The following ZFYVE9 variants were observed in gnomAD, a reference collection of about 807,000 sequenced individuals.
ZFYVE9 encodes the protein zinc finger FYVE-type containing 9.
ZFYVE9 carries 43 observed loss-of-function variants against 126.7 expected under a neutral mutation model. The ratio of observed to expected loss-of-function variants is 0.34; its 90% CI spans 0.27 to 0.44. The LOEUF (loss-of-function observed/expected upper bound fraction) is 0.44. Among genes scored for constraint, ZFYVE9 ranks in the 20% least tolerant of loss-of-function variants. The probability of loss-of-function intolerance (pLI) is 1.00; values close to 1 mark genes in which losing one functional copy is unlikely to be tolerated. For missense variants in ZFYVE9, 1,476 were observed against 1,697.0 expected (o/e 0.87, Z 2.29); for synonymous variants, 521 against 597.4 (o/e 0.87, Z 1.87).
chr1:52,330,633 A>G (rs929393109), intron 13 of ZFYVE9, among the ~76,000 whole-genome samples: 1 of 152,158 alleles, frequency 6.6e-6, no homozygotes, highest in African/African-American at 2.4e-5. Flanking sequence ...GATAATGAGC[A>G]GTGAGGACCT....
chr1:52,176,889 G>A (rs1313768978), intron 1 of ZFYVE9, among the ~76,000 whole-genome samples: 7 of 152,060 alleles, frequency 4.6e-5, no homozygotes, highest in Admixed American at 6.6e-5. Context: ...TCCAGGTGCC[G>A]TCTGTCACCC....
chr1:52,251,152 A>T lies in ZFYVE9; in HGVS notation c.2178+11557A>T, dbSNP rs148368176. ...AGTGGCGCGATCTTGGCTCACTGCA[A>T]CCTCTGCCTCTCGGGTTCAAGCAAT... On this transcript the variant is annotated intron_variant, in intron 4 of 18. Transcript: ENST00000287727. Among the ~76,000 whole-genome samples the T allele has an allele frequency of 5.3e-5, 8 of 151,468 alleles. No homozygotes were observed. In the East Asian group the frequency reaches 1.5e-3, roughly 29 times the overall value.
intron 1 of ZFYVE9, among the ~76,000 whole-genome samples, chr1:52,152,902 A>G (rs1177836213): frequency 6.6e-6 from 1 of 152,230 alleles, no homozygotes; most frequent in Non-Finnish European, 1.5e-5. Flanking sequence ...TGGAATGCCT[A>G]TGAAAGGAAA....
intron 1 of ZFYVE9, among the ~76,000 whole-genome samples, chr1:52,172,677 T>A (rs1458510891): frequency 1.3e-5 from 2 of 152,098 alleles, no homozygotes; most frequent in Admixed American, 1.3e-4. Context: ...TTTATTTCAT[T>A]GAGCAGTGGT....
intron 4 of ZFYVE9, among the ~76,000 whole-genome samples, chr1:52,242,980 G>T (rs1195464139): frequency 6.6e-6 from 1 of 152,180 alleles, no homozygotes; most frequent in Non-Finnish European, 1.5e-5. Flanking sequence ...CACTTATCAT[G>T]CAGTATTGTC....
chr1:52,219,793 G>A, intron 2 of ZFYVE9, among the ~76,000 whole-genome samples: 1 of 148,648 alleles, frequency 6.7e-6, no homozygotes, highest in South Asian at 2.1e-4. Flanking sequence ...GTGTGTGTGT[G>A]TGTGTGTGTG....
At chr1:52,255,860 A>G (rs1415734863) in intron 4 of ZFYVE9, among the ~76,000 whole-genome samples, 1 of 151,768 alleles carries the variant, frequency 6.6e-6, no homozygotes, top group Non-Finnish European at 1.5e-5. Context: ...GACTCAAAAA[A>G]AATTTTTTTT....
chr1:52,220,054 G>A (rs1645109730), intron 2 of ZFYVE9, among the ~76,000 whole-genome samples: 1 of 152,114 alleles, frequency 6.6e-6, no homozygotes, highest in South Asian at 2.1e-4. Flanking sequence ...GGGATTACAG[G>A]TGTGAGCCAC....
At chr1:52,202,437 C>A (rs889704622) in intron 1 of ZFYVE9, among the ~76,000 whole-genome samples, 1 of 151,626 alleles carries the variant, frequency 6.6e-6, no homozygotes, top group South Asian at 2.1e-4. Flanking sequence ...GCGCCACTAC[C>A]GTCCGGCTAA....
chr1:52,219,804 GCAGAGTCTTAC>G (rs1645107396), intron 2 of ZFYVE9, among the ~76,000 whole-genome samples: 1 of 88,084 alleles, frequency 1.1e-5, no homozygotes, highest in South Asian at 3.9e-4. Flanking sequence ...TGTGTGTGTG[GCAGAGTCTTAC>G]TCTGTCGCCC....
chr1:52,322,237 ATATATC>A (rs1396459301), intron 13 of ZFYVE9, among the ~76,000 whole-genome samples: 1 of 152,094 alleles, frequency 6.6e-6, no homozygotes, highest in Non-Finnish European at 1.5e-5. Context: ...TACTTTCTAA[ATATATC>A]TATAATCCAG....
intron 4 of ZFYVE9, among the ~76,000 whole-genome samples, chr1:52,253,339 T>C (rs1645470729): frequency 6.6e-6 from 1 of 152,194 alleles, no homozygotes; most frequent in African/African-American, 2.4e-5. Flanking sequence ...GGCAAAAAGA[T>C]GTTTAGATGG....
At chr1:52,275,705 TATTA>T (rs1483277269) in intron 8 of ZFYVE9, among the ~76,000 whole-genome samples, 3 of 152,150 alleles carry the variant, frequency 2.0e-5, no homozygotes, top group Non-Finnish European at 2.9e-5. Context: ...GAAGGTGGCT[TATTA>T]ATTAACCTCT....
At chr1:52,250,866 A>G (rs1354886218) in intron 4 of ZFYVE9, among the ~76,000 whole-genome samples, 1 of 151,784 alleles carries the variant, frequency 6.6e-6, no homozygotes, top group Admixed American at 6.6e-5. Flanking sequence ...GTGCACTACC[A>G]CACCTGGCTA....
intron 1 of ZFYVE9, among the ~76,000 whole-genome samples, chr1:52,216,083 T>C (rs1266769861): frequency 6.6e-6 from 1 of 152,170 alleles, no homozygotes; most frequent in Non-Finnish European, 1.5e-5. Context: ...ATTAAAGTCA[T>C]TGGGTAGAAA....
At position 52,312,451 on chromosome 1, in the gene ZFYVE9, A is replaced by G. The variant is rs137888515; in HGVS notation, c.3438+8526A>G. Among the ~76,000 whole-genome samples the G allele has an allele frequency of 3.3e-5, 5 of 152,330 alleles. No homozygotes were observed. In the East Asian group the frequency reaches 9.6e-4, roughly 29 times the overall value. On this transcript the variant is annotated intron_variant, in intron 13 of 18. Coordinates refer to ENST00000287727, the MANE Select transcript of ZFYVE9 (RefSeq NM_004799.4). Reference sequence around the variant, plus strand: ...ATGAACCATAGCTTGATAGTAGTACAGTGTCAGGCGTTTGTTACCTTTGAC... The same window carrying G: ...ATGAACCATAGCTTGATAGTAGTACGGTGTCAGGCGTTTGTTACCTTTGAC...
intron 2 of ZFYVE9, among the ~76,000 whole-genome samples, chr1:52,222,575 T>C (rs770451827): frequency 6.6e-5 from 10 of 152,198 alleles, no homozygotes; most frequent in East Asian, 5.8e-4. Flanking sequence ...TATTGGAGTG[T>C]TATAAGGGGG....
chr1:52,167,870 C>T (rs1386427185), intron 1 of ZFYVE9, among the ~76,000 whole-genome samples: 1 of 152,228 alleles, frequency 6.6e-6, no homozygotes, highest in African/African-American at 2.4e-5. Flanking sequence ...TTGGAACATT[C>T]AGATCCTGTG....
intron 1 of ZFYVE9, chr1:52,162,089 A>C (rs1221982281): frequency 6.5e-6 from 1 of 154,758 alleles, no homozygotes; most frequent in African/African-American, 2.4e-5. Context: ...GAAGAATCAG[A>C]AGCTTAGGGA....
Sources: allele counts gnomAD v4.1 joint callset (sites outside exome capture counted in the v4.1 genomes callset), GRCh38; gene constraint gnomAD v4.1.1; transcripts MANE v1.5; gene names NCBI Gene and HGNC (gene_info 2026-07-23, HGNC 2026-07-21).